Variants in CCNH observed in about 807,000 individuals in gnomAD.
The protein encoded by CCNH is cyclin H.
A neutral mutation model predicts 41.9 loss-of-function variants in CCNH; 31 were observed. That is an observed-to-expected ratio of 0.74 (90% CI 0.56 to 1.00). CCNH has a LOEUF of 1.00. Among genes scored for constraint, CCNH ranks in the 50% least tolerant of loss-of-function variants. CCNH has a pLI of 0.00. For missense variants in CCNH, 362 were observed against 388.4 expected (o/e 0.93, Z 0.57); for synonymous variants, 138 against 136.1 (o/e 1.01, Z -0.10).
Position 87,409,372 on chromosome 5 carries a change from T to A in CCNH, c.241-9A>T. On this transcript the variant is annotated splice_polypyrimidine_tract_variant and intron_variant, in intron 2 of 8. Coordinates refer to ENST00000256897, the MANE Select transcript of CCNH (RefSeq NM_001239.4). ...TACATACAAGCCGTACCCTAAGGGT[T>A]AAAAAAAATATATCATCAGGATCTA... is the stretch of plus-strand genomic sequence containing the variant. The A allele has an allele frequency of 2.8e-6, 4 of 1,428,014 alleles. No individual in the cohort carries two copies. Among genetic ancestry groups the A allele is most frequent in the Non-Finnish European group, 3.9e-6 (4 of 1,021,062 alleles). 88.5% of individuals were successfully genotyped at this position (1,428,014 alleles called of 1,614,324 possible). A position where few individuals can be genotyped will look rare whatever the true frequency, so the allele number is the denominator to read the frequency against.
chr5:87,384,282 C>G (rs1438891257), intron 9 of CCNH, among the ~76,000 whole-genome samples: 1 of 152,090 alleles, frequency 6.6e-6, no homozygotes, highest in African/African-American at 2.4e-5. Context: ...TTTTAAACTT[C>G]AGTAAACCTG....
downstream of CCNH, chr5:87,372,261 T>A: frequency 6.9e-7 from 1 of 1,451,892 alleles, no homozygotes; most frequent in Middle Eastern, 1.7e-4. Flanking sequence ...TCTTTTTATT[T>A]TATTTTTATC....
exon 1 of CCNH, chr5:87,376,724 T>A: frequency 8.2e-7 from 1 of 1,216,714 alleles, no homozygotes; most frequent in Non-Finnish European, 1.2e-6. Context: ...TTGGTAGAAA[T>A]AAGTAGACTA....
chr5:87,342,525 C>G (rs1281587238), intron 9 of CCNH, among the ~76,000 whole-genome samples: 1 of 152,130 alleles, frequency 6.6e-6, no homozygotes, highest in Non-Finnish European at 1.5e-5. Flanking sequence ...TGAAGCGGGT[C>G]AAGTATATAT....
chr5:87,327,610 C>T (rs1757321891), intron 9 of CCNH, among the ~76,000 whole-genome samples: 1 of 152,154 alleles, frequency 6.6e-6, no homozygotes, highest in African/African-American at 2.4e-5. Context: ...CAGGGAGTGT[C>T]AGCATAATCA....
At chr5:87,398,804 T>C (rs1763163254) in intron 7 of CCNH, among the ~76,000 whole-genome samples, 1 of 151,914 alleles carries the variant, frequency 6.6e-6, no homozygotes, top group South Asian at 2.1e-4. Flanking sequence ...AAACCCCGTC[T>C]CTACTAAAAA....
At chr5:87,312,489 A>G in the CCNH span, among the ~76,000 whole-genome samples, 1 of 152,188 alleles carries the variant, frequency 6.6e-6, no homozygotes, top group Non-Finnish European at 1.5e-5. Flanking sequence ...CTAATTTCTA[A>G]TACAGTAAAT....
At chr5:87,393,607 A>AATC (rs1254156644), downstream of CCNH, 1 of 152,172 alleles carries the variant, frequency 6.6e-6, no homozygotes, top group Admixed American at 6.5e-5. Context: ...TAACATATTT[A>AATC]ATCTGCAAAA....
chr5:87,388,022 C>T (rs1014585510), downstream of CCNH, among the ~76,000 whole-genome samples: 9 of 152,162 alleles, frequency 5.9e-5, no homozygotes, highest in African/African-American at 2.2e-4. Context: ...GAAGACCCAC[C>T]TCAATTATTA....
downstream of CCNH, chr5:87,376,237 TAAAC>T (rs1322948856): frequency 1.2e-6 from 1 of 834,622 alleles, no homozygotes; most frequent in Non-Finnish European, 1.9e-6. Flanking sequence ...ACTCAGTAAA[TAAAC>T]AACTAAATAT....
downstream of CCNH, among the ~76,000 whole-genome samples, chr5:87,371,613 T>C (rs1471147445): frequency 2.0e-5 from 3 of 152,254 alleles, no homozygotes; most frequent in Non-Finnish European, 4.4e-5. Flanking sequence ...AATCCCCTTA[T>C]ACATTTCTAC....
At chr5:87,341,428 T>A in intron 9 of CCNH, 2 of 633,706 alleles carry the variant, frequency 3.2e-6, no homozygotes, top group Non-Finnish European at 4.6e-6. Context: ...TGGACTGACT[T>A]AACTTTTAAA....
intron 7 of CCNH, among the ~76,000 whole-genome samples, chr5:87,398,574 CA>C (rs907458269): frequency 2.0e-5 from 3 of 152,164 alleles, no homozygotes; most frequent in Non-Finnish European, 4.4e-5. Flanking sequence ...TTGCAAAGCA[CA>C]AATTGCCAAT....
chr5:87,382,481 G>A (rs1002079051), intron 9 of CCNH, among the ~76,000 whole-genome samples: 10 of 152,252 alleles, frequency 6.6e-5, no homozygotes, highest in Non-Finnish European at 1.5e-4. Context: ...ATCTGTAGAA[G>A]GAATTGCATA....
chr5:87,384,414 G>A (rs1324630997), intron 9 of CCNH, among the ~76,000 whole-genome samples: 1 of 152,116 alleles, frequency 6.6e-6, no homozygotes, highest in Non-Finnish European at 1.5e-5. Flanking sequence ...ATTATAAACA[G>A]TAGGAACTGG....
At chr5:87,370,617 G>GTT (rs1204879213) in intron 9 of CCNH, among the ~76,000 whole-genome samples, 5 of 152,250 alleles carry the variant, frequency 3.3e-5, no homozygotes, top group Admixed American at 3.3e-4. Context: ...GTAAGATCGA[G>GTT]ACACTGTAAG....
intron 9 of CCNH, among the ~76,000 whole-genome samples, chr5:87,342,646 G>C (rs889315875): frequency 6.6e-6 from 1 of 152,148 alleles, no homozygotes; most frequent in African/African-American, 2.4e-5. Flanking sequence ...AACACTGTAC[G>C]TGTGGTAATA....
intron 9 of CCNH, among the ~76,000 whole-genome samples, chr5:87,361,964 T>G (rs1180706280): frequency 1.3e-5 from 2 of 151,898 alleles, no homozygotes; most frequent in African/African-American, 4.8e-5. Context: ...TGTTGCAGAG[T>G]GGCAGAGGAG....
At chr5:87,335,429 T>G (rs1046742901) in intron 9 of CCNH, among the ~76,000 whole-genome samples, 2 of 143,294 alleles carry the variant, frequency 1.4e-5, no homozygotes, top group African/African-American at 5.2e-5. Flanking sequence ...GTTTTTTTTT[T>G]TTTTTTTTTT....
Sources: allele counts gnomAD v4.1 joint callset (sites outside exome capture counted in the v4.1 genomes callset), GRCh38; gene constraint gnomAD v4.1.1; transcripts MANE v1.5; gene names NCBI Gene and HGNC (gene_info 2026-07-23, HGNC 2026-07-21).